Variants in TCHH observed in about 807,000 individuals in gnomAD.
TCHH encodes trichohyalin.
In TCHH, 6 loss-of-function variants were observed where a neutral mutation model predicts 6.3. The ratio of observed to expected loss-of-function variants is 0.95; its 90% CI spans 0.52 to 1.88. The LOEUF is 1.88. Among genes scored for constraint, TCHH ranks in the 40% most tolerant of loss-of-function variants. TCHH has a pLI of 0.01. For synonymous variants in TCHH, 1,087 were observed against 963.6 expected, an observed-to-expected ratio of 1.13 and a Z score of -2.37; for missense variants, 2,920 against 2,449.1, an observed-to-expected ratio of 1.19 and a Z score of -4.06.
In TCHH at chr1:152,111,108, C is replaced by G. The variant is rs1458307301; in HGVS notation, c.2109G>C (p.Lys703Asn). 6.2e-7 allele frequency: 1 copy of G among 1,613,608 alleles called. No homozygotes were observed. The highest frequency in any genetic ancestry group is 8.5e-7 in the Non-Finnish European group (1 of 1,180,036). The change falls in exon 3 of 3, where the codon AAG becomes AAC. Residue 703 changes from lysine (K) to asparagine (N), a missense_variant. Lys to Asn is a moderately conservative substitution (Grantham distance 94). Transcript: ENST00000614923. ...ARERIKSRIPKWQWQLESEAD... is the reference protein window; with the variant it reads ...ARERIKSRIPNWQWQLESEAD... ...CCTCGCTTTCTAGCTGCCACTGCCA[C>G]TTCGGGATGCGGCTCTTAATCCGCT... is the stretch of plus-strand genomic sequence containing the variant.
rs949835820 is a variant in TCHH at position 152,108,962 on chromosome 1, C to G, written c.4255G>C (p.Glu1419Gln). The G allele has an allele frequency of 5.6e-6, 9 of 1,613,644 alleles. No homozygotes were observed. The highest frequency in any genetic ancestry group is 7.6e-6 in the Non-Finnish European group (9 of 1,179,936). The stretch of plus-strand genomic sequence containing the variant: ...TCTTGGCGGCTCAGCTGCTGTTCCT[C>G]CTCGCGGAATTTTCTGTCGCGGTCC... ...RQDRDRKFREEEQQLSRQERD... is the reference protein window; with the variant it reads ...RQDRDRKFREQEQQLSRQERD... Residue 1419 changes from glutamate to glutamine, a missense_variant, in exon 3 of 3, where the codon GAG (glutamate) becomes CAG (glutamine). Coordinates refer to ENST00000614923, the MANE Select transcript of TCHH (RefSeq NM_007113.4).
At chr1:152,113,524 G>A (rs1255606583) in intron 2 of TCHH, among the ~76,000 whole-genome samples, 1 of 152,210 alleles carries the variant, frequency 6.6e-6, no homozygotes, top group Non-Finnish European at 1.5e-5. Context: ...ATGAGGATTT[G>A]CAGTAGCCAT....
Position 152,111,335 on chromosome 1 carries a change from C to T in TCHH, c.1882G>A (p.Glu628Lys), listed in dbSNP as rs1288796109. The change falls in exon 3 of 3, where the codon GAG (glutamate) becomes AAG (lysine). Residue 628 changes from glutamate (E) to lysine (K), a missense_variant. By Grantham distance (56) the Glu-to-Lys change is moderately conservative. Transcript: ENST00000614923. The part of the protein sequence containing the change: ...QRLKREEPEE[E>K]RRQQLLKSEE... ...CTCTTCAGCAGCTGCTGGCGCCTCT[C>T]TTCCTCCGGCTCCTCGCGCTTCAGC... 1.3e-6 allele frequency: 2 copies of T among 1,599,082 alleles called. No homozygotes were observed. Among genetic ancestry groups the T allele is most frequent in the Non-Finnish European group, 1.7e-6 (2 of 1,172,248 alleles).
rs1485742037 is a variant in TCHH at position 152,113,051 on chromosome 1, G to C, written c.166C>G (p.Leu56Val). 1.9e-6 allele frequency: 3 copies of C among 1,613,302 alleles called. No individual in the cohort carries two copies. Among genetic ancestry groups the C allele is most frequent in the East Asian group, 4.5e-5 (2 of 44,870 alleles). ...TCAAGATCCAGAAGTTCCAGGATCA[G>C]ATCTACCGTCTTAGGGTCATGTGGT... Reference protein sequence around the residue: ...RRPHDPKTVDLILELLDLDSN... With the variant: ...RRPHDPKTVDVILELLDLDSN... Residue 56 changes from leucine to valine, a missense_variant, in exon 3 of 3, where the codon CTG (leucine) becomes GTG (valine). Physicochemically the swap from Leu to Val is conservative, Grantham distance 32 (BLOSUM62 1). Coordinates refer to ENST00000614923, the MANE Select transcript of TCHH (RefSeq NM_007113.4).
Position 152,109,397 on chromosome 1 carries a change from GT to G in TCHH, c.3819del (p.Glu1273AspfsTer49). ...SQQDLQHLLGEQQERDREQER... is the reference protein window; with the variant it reads ...SQQDLQHLLGXQQERDREQER... ...TCTTGCTCACGATCTCGCTCTTGCT[GT>G]TCACCCAGCAGGTGCTGCAGATCTT... On this transcript the variant is annotated frameshift_variant, in exon 3 of 3. Transcript: ENST00000614923. LOFTEE classifies it low-confidence loss of function (END_TRUNC). The G allele has an allele frequency of 6.2e-7, 1 of 1,614,180 alleles. No homozygotes were observed. The highest frequency in any genetic ancestry group is 2.2e-5 in the East Asian group (1 of 44,874).
rs761966395 is a variant in TCHH, at chr1:152,113,039, G to A, written c.178C>T (p.Leu60Phe). The A allele has an allele frequency of 7.4e-6, 12 of 1,613,636 alleles. No individual in the cohort carries two copies. The highest frequency in any genetic ancestry group is 1.0e-5 in the Non-Finnish European group (12 of 1,179,876). ...CGCCCATTACTGTCAAGATCCAGAA[G>A]TTCCAGGATCAGATCTACCGTCTTA... ...DPKTVDLILE[L>F]LDLDSNGRVD... Residue 60 changes from leucine to phenylalanine, a missense_variant, in exon 3 of 3, where the codon CTT (leucine) becomes TTT (phenylalanine). Physicochemically the swap from Leu to Phe is conservative, Grantham distance 22 (BLOSUM62 0). Coordinates refer to ENST00000614923, the MANE Select transcript of TCHH (RefSeq NM_007113.4).
In TCHH at chr1:152,109,516, G is replaced by A. The variant is rs755898876; in HGVS notation, c.3701C>T (p.Ala1234Val). Reference protein sequence around the residue: ...KWQWEPEKENAVRDNKVYCKG... With the variant: ...KWQWEPEKENVVRDNKVYCKG... The stretch of plus-strand genomic sequence containing the variant: ...GCAGTAAACCTTGTTATCACGAACT[G>A]CATTTTCTTTTTCTGGTTCCCACTG... Residue 1234 changes from alanine to valine, a missense_variant, in exon 3 of 3, where the codon GCA becomes GTA. Coordinates refer to ENST00000614923, the MANE Select transcript of TCHH (RefSeq NM_007113.4). 1 of 1,614,242 alleles carries A rather than the reference G, an allele frequency of 6.2e-7. No individual in the cohort carries two copies. The highest frequency in any genetic ancestry group is 8.5e-7 in the Non-Finnish European group (1 of 1,180,050).
rs1658350506 is a variant in TCHH, at chr1:152,111,526, T to G, written c.1691A>C (p.Glu564Ala). 1.3e-6 allele frequency: 2 copies of G among 1,589,688 alleles called. No homozygotes were observed. Among genetic ancestry groups the G allele is most frequent in the Non-Finnish European group, 1.7e-6 (2 of 1,165,146 alleles). Residue 564 changes from glutamate to alanine, a missense_variant, in exon 3 of 3, where the codon GAG becomes GCG. Coordinates refer to ENST00000614923, the MANE Select transcript of TCHH (RefSeq NM_007113.4). ...EEKRLEQERR[E>A]QRLKREQEER... is the part of the protein sequence containing the mutation. ...CTCCTGCTCGCGCTTCAGCCGCTGC[T>G]CTCGCCTCTCCTGCTCGAGCCTCTT... is the stretch of plus-strand genomic sequence containing the variant.
chr1:152,109,297 G>A lies in TCHH; in HGVS notation c.3920C>T (p.Ala1307Val). ...TTGGGACTTCCTGTCGCGCCTTTTG[G>A]CTTCCTTTTGCTCTTCTCGCTCCAG... ...EQLEREEQKE[A>V]KRRDRKSQEE... The change falls in exon 3 of 3, where the codon GCC (alanine) becomes GTC (valine). Residue 1307 changes from alanine (A) to valine (V), a missense_variant. Transcript: ENST00000614923. 13 of 1,614,084 alleles carry A rather than the reference G, an allele frequency of 8.1e-6. No homozygotes were observed. The highest frequency in any genetic ancestry group is 1.1e-5 in the Non-Finnish European group (13 of 1,180,030).
Position 152,111,173 on chromosome 1 carries a change from C to T in TCHH, c.2044G>A (p.Glu682Lys). Residue 682 changes from glutamate (E) to lysine (K), a missense_variant, in exon 3 of 3, where the codon GAG becomes AAG. Transcript: ENST00000614923. ...LKREHEEERR[E>K]QELAEEEQEQ... is the part of the protein sequence containing the mutation. ...TGCTCCTCCTCAGCTAGCTCCTGCT[C>T]GCGCCTCTCTTCCTCATGCTCGCGC... 3 of 1,613,734 alleles carry T rather than the reference C, an allele frequency of 1.9e-6. No homozygotes were observed. The highest frequency in any genetic ancestry group is 2.5e-6 in the Non-Finnish European group (3 of 1,179,992).
In TCHH at chr1:152,111,642, T is replaced by G; in HGVS notation, c.1575A>C (p.Glu525Asp). The G allele has an allele frequency of 7.2e-7, 1 of 1,398,154 alleles. No homozygotes were observed. The allele number at this position is 1,398,154 out of a possible 1,614,324, so 86.6% of individuals were successfully genotyped here. The part of the protein sequence containing the change: ...REQRLKRQEE[E>D]ERLQQRLRSE... Reference sequence around the variant, plus strand: ...TCCTCAACCGCTGCTGGAGCCTCTCTTCCTCCTCCTGGCGCTTCAGCCGCT... The same window carrying G: ...TCCTCAACCGCTGCTGGAGCCTCTCGTCCTCCTCCTGGCGCTTCAGCCGCT... Residue 525 changes from glutamate to aspartate, a missense_variant, in exon 3 of 3, where the codon GAA (glutamate) becomes GAC (aspartate). Physicochemically the swap from Glu to Asp is conservative, Grantham distance 45 (BLOSUM62 2). Coordinates refer to ENST00000614923, the MANE Select transcript of TCHH (RefSeq NM_007113.4).
Position 152,109,054 on chromosome 1 carries a change from C to T in TCHH, c.4163G>A (p.Arg1388Gln), listed in dbSNP as rs1197997251. 5.0e-6 allele frequency: 8 copies of T among 1,613,448 alleles called. No homozygotes were observed. In the South Asian group the frequency reaches 5.5e-5, roughly 11 times the overall value. The change falls in exon 3 of 3, where the codon CGG becomes CAG. Residue 1388 changes from arginine to glutamine, a missense_variant. Arg to Gln is a conservative substitution (Grantham distance 43). Transcript: ENST00000614923. The stretch of plus-strand genomic sequence containing the variant: ...TTCCTCCTTAAGGAATTTTCTCTCC[C>T]GTTCCTGGCGGCGCAGCCGCTGTTC... ...EEEQRLRRQE[R>Q]ERKFLKEEQQ...
rs747846742 is a variant in TCHH at position 152,107,393 on chromosome 1, G to T, written c.5824C>A (p.Arg1942Ser). 1 of 1,557,586 alleles carries T rather than the reference G, an allele frequency of 6.4e-7. No homozygotes were observed. Among genetic ancestry groups the T allele is most frequent in the Non-Finnish European group, 8.7e-7 (1 of 1,153,044 alleles). Reference sequence around the variant, plus strand: ...GATATTGGCAACATCACTTAAGGGCGGTATTGAGATCTCTGCTCTTGGATG... The same window carrying T: ...GATATTGGCAACATCACTTAAGGGCTGTATTGAGATCTCTGCTCTTGGATG... ...EYIQEQRSQY[R>S]P Residue 1942 changes from arginine to serine, a missense_variant, in exon 3 of 3, where the codon CGC becomes AGC. Coordinates refer to ENST00000614923, the MANE Select transcript of TCHH (RefSeq NM_007113.4).
In TCHH at chr1:152,112,813, T is replaced by G. The variant is rs1198508894; in HGVS notation, c.404A>C (p.Gln135Pro). The G allele has an allele frequency of 6.2e-7, 1 of 1,613,982 alleles. No individual in the cohort carries two copies. Among genetic ancestry groups the G allele is most frequent in the Admixed American group, 1.7e-5 (1 of 60,006 alleles). Residue 135 changes from glutamine to proline, a missense_variant, in exon 3 of 3, where the codon CAA (glutamine) becomes CCA (proline). Gln to Pro is a moderately conservative substitution (Grantham distance 76, BLOSUM62 -1). Transcript: ENST00000614923. ...TTCCTGCCTCTTCTGCCTGCGTCGTTGCCCAGGTTCTTCTTCCAGTTGTCT... is the reference window on the plus strand; with the variant it reads ...TTCCTGCCTCTTCTGCCTGCGTCGTGGCCCAGGTTCTTCTTCCAGTTGTCT... ...RDRQLEEEPG[Q>P]RRRQKRQEQE... is the part of the protein sequence containing the mutation.
Position 152,108,480 on chromosome 1 carries a change from T to G in TCHH, c.4737A>C (p.Arg1579Ser). The change falls in exon 3 of 3, where the codon AGA becomes AGC. Residue 1579 changes from arginine (R) to serine (S), a missense_variant. By Grantham distance (110) the Arg-to-Ser change is moderately radical. Coordinates refer to ENST00000614923, the MANE Select transcript of TCHH (RefSeq NM_007113.4). ...CTTTCTGTTCCTCTAAACGGAATTT[T>G]CTGTCACGCTCTTGGCGGCTCAGCT... ...EQQLSRQERDRKFRLEEQKVR... is the reference protein window; with the variant it reads ...EQQLSRQERDSKFRLEEQKVR... 6.2e-7 allele frequency: 1 copy of G among 1,613,020 alleles called. No homozygotes were observed. The highest frequency in any genetic ancestry group is 2.2e-5 in the East Asian group (1 of 44,712).
rs1658301792 is a variant in TCHH, at chr1:152,110,563, C to T, written c.2654G>A (p.Arg885His). The change falls in exon 3 of 3, where the codon CGC (arginine) becomes CAC (histidine). Residue 885 changes from arginine to histidine, a missense_variant. Coordinates refer to ENST00000614923, the MANE Select transcript of TCHH (RefSeq NM_007113.4). ...TGGCTTGGCGTACAGCGTGTGGCGG[C>T]GTCTCTTCCTTTCTTCTTCTAGTTG... The part of the protein sequence containing the change: ...RWQLEEERKR[R>H]RHTLYAKPAL... The T allele has an allele frequency of 3.1e-6, 5 of 1,614,160 alleles. No individual in the cohort carries two copies. The highest frequency in any genetic ancestry group is 4.2e-6 in the Non-Finnish European group (5 of 1,180,024).
Position 152,111,583 on chromosome 1 carries a change from C to T in TCHH, c.1634G>A (p.Arg545Lys). Residue 545 changes from arginine to lysine, a missense_variant, in exon 3 of 3, where the codon AGG (arginine) becomes AAG (lysine). By Grantham distance (26) the Arg-to-Lys change is conservative. Transcript: ENST00000614923. ...EQQLRREQEERREQLLKREEE... is the reference protein window; with the variant it reads ...EQQLRREQEEKREQLLKREEE... Reference sequence around the variant, plus strand: ...CTCGCGCTTCAGCAGCTGCTCGCGCCTCTCCTCCTGCTCGCGTCTTAGTTG... The same window carrying T: ...CTCGCGCTTCAGCAGCTGCTCGCGCTTCTCCTCCTGCTCGCGTCTTAGTTG... 1 of 1,606,172 alleles carries T rather than the reference C, an allele frequency of 6.2e-7. No individual in the cohort carries two copies. Among genetic ancestry groups the T allele is most frequent in the Admixed American group, 1.7e-5 (1 of 59,288 alleles).
chr1:152,110,207 G>C lies in TCHH; in HGVS notation c.3010C>G (p.Leu1004Val), dbSNP rs375540297. Residue 1004 changes from leucine to valine, a missense_variant, in exon 3 of 3, where the codon CTG becomes GTG. Leu to Val is a conservative substitution (Grantham distance 32). Transcript: ENST00000614923. Reference sequence around the variant, plus strand: ...CTTCTCTTCTCCCGTTCCTCTCTCAGCAGCTGCTCTTCCTCCTGCTGCAAC... The same window carrying C: ...CTTCTCTTCTCCCGTTCCTCTCTCACCAGCTGCTCTTCCTCCTGCTGCAAC... Reference protein sequence around the residue: ...EELQQEEEQLLREEREKRRRQ... With the variant: ...EELQQEEEQLVREEREKRRRQ... The C allele has an allele frequency of 1.9e-6, 3 of 1,607,448 alleles. No individual in the cohort carries two copies. The highest frequency in any genetic ancestry group is 2.5e-6 in the Non-Finnish European group (3 of 1,177,914).
rs369730040 is a variant in TCHH at position 152,107,703 on chromosome 1, C to A, written c.5514G>T (p.Arg1838=). Residue 1838 remains arginine, a synonymous_variant, in exon 3 of 3, where the codon CGG becomes CGT. Coordinates refer to ENST00000614923, the MANE Select transcript of TCHH (RefSeq NM_007113.4). ...CCCGGTACTGCCGGTCTCGCTCCTG[C>A]CGCAGCCTCTGCTCTTGTTCCTCAA... is the stretch of plus-strand genomic sequence containing the variant. ...LQLEEQEQRL[R]QERDRQYRAE... 56 of 1,614,096 alleles carry A rather than the reference C, an allele frequency of 3.5e-5. No homozygotes were observed. Among genetic ancestry groups the A allele is most frequent in the Non-Finnish European group, 4.7e-5 (56 of 1,180,060 alleles).
Sources: allele counts gnomAD v4.1 joint callset (sites outside exome capture counted in the v4.1 genomes callset), GRCh38; gene constraint gnomAD v4.1.1; transcripts MANE v1.5; gene names NCBI Gene and HGNC (gene_info 2026-07-23, HGNC 2026-07-21).